The following HDAC9 variants were observed in gnomAD, a reference collection of about 807,000 sequenced individuals.
HDAC9 encodes histone deacetylase 9.
A neutral mutation model predicts 139.4 loss-of-function variants in HDAC9; 41 were observed. The ratio of observed to expected loss-of-function variants is 0.29; its 90% CI spans 0.23 to 0.38. The LOEUF is 0.38. Ranked by LOEUF, HDAC9 falls within the 10% of genes least tolerant of loss-of-function variation. HDAC9 has a pLI of 1.00. For synonymous variants in HDAC9, 517 were observed against 476.2 expected, an observed-to-expected ratio of 1.09 and a Z score of -1.12; for missense variants, 1,147 against 1,297.0, an observed-to-expected ratio of 0.88 and a Z score of 1.78.
chr7:18,526,901 A>C (rs1807130273), intron 2 of HDAC9, among the ~76,000 whole-genome samples: 1 of 152,162 alleles, frequency 6.6e-6, no homozygotes, highest in African/African-American at 2.4e-5. Context: ...TGTCTAGTCA[A>C]TAAGAAATTC....
intron 1 of HDAC9, among the ~76,000 whole-genome samples, chr7:18,108,803 G>A (rs543778671): frequency 3.3e-5 from 5 of 152,036 alleles, no homozygotes; most frequent in African/African-American, 1.2e-4. Context: ...TGTATTTTTA[G>A]TAGAGACAGA....
intron 2 of HDAC9, among the ~76,000 whole-genome samples, chr7:18,536,034 CCT>C (rs1288083914): frequency 6.6e-6 from 1 of 152,152 alleles, no homozygotes; most frequent in Non-Finnish European, 1.5e-5. Flanking sequence ...TCTGCATAAA[CCT>C]CTCTTTGCCT....
intron 22 of HDAC9, among the ~76,000 whole-genome samples, chr7:18,934,680 A>G (rs1409134678): frequency 6.6e-6 from 1 of 152,130 alleles, no homozygotes; most frequent in East Asian, 1.9e-4. Flanking sequence ...ACCATACCAA[A>G]TGTTGGCAAG....
chr7:18,370,818 T>C (rs182185109), intron 1 of HDAC9, among the ~76,000 whole-genome samples: 1 of 152,276 alleles, frequency 6.6e-6, no homozygotes, highest in Admixed American at 6.5e-5. Context: ...GTCAGGTGAA[T>C]TGCACTGATT....
chr7:18,563,597 G>A (rs1821293179), intron 2 of HDAC9, among the ~76,000 whole-genome samples: 1 of 152,012 alleles, frequency 6.6e-6, no homozygotes, highest in African/African-American at 2.4e-5. Flanking sequence ...ATTCGTTATA[G>A]AGAATAGTCT....
intron 2 of HDAC9, among the ~76,000 whole-genome samples, chr7:18,509,842 T>G (rs1234750814): frequency 6.6e-6 from 1 of 152,170 alleles, no homozygotes; most frequent in Non-Finnish European, 1.5e-5. Flanking sequence ...TGTGACTGTG[T>G]ATGTGTGTCC....
chr7:18,427,067 C>T (rs1790181486), intron 1 of HDAC9, among the ~76,000 whole-genome samples: 1 of 152,100 alleles, frequency 6.6e-6, no homozygotes, highest in African/African-American at 2.4e-5. Context: ...CTCTTTGATC[C>T]TTCATACAAT....
At chr7:18,588,730 G>A (rs772423345) in intron 3 of HDAC9, among the ~76,000 whole-genome samples, 3 of 152,050 alleles carry the variant, frequency 2.0e-5, no homozygotes, top group South Asian at 2.1e-4. Context: ...GAATCTGGGC[G>A]TGTGTGAAAA....
At chr7:18,237,803 C>T (rs1369216755) in intron 2 of HDAC9, among the ~76,000 whole-genome samples, 2 of 152,070 alleles carry the variant, frequency 1.3e-5, no homozygotes, top group Non-Finnish European at 2.9e-5. Context: ...AGATAAGGCC[C>T]AGGAGAAAGG....
intron 2 of HDAC9, among the ~76,000 whole-genome samples, chr7:18,201,243 C>T (rs1791096282): frequency 6.6e-6 from 1 of 152,076 alleles, no homozygotes; most frequent in Admixed American, 6.6e-5. Flanking sequence ...TGTAGCTCCC[C>T]ATATGTTATA....
intron 16 of HDAC9, among the ~76,000 whole-genome samples, chr7:18,776,779 GAAT>G (rs1790804348): frequency 1.3e-5 from 2 of 151,866 alleles, no homozygotes; most frequent in African/African-American, 2.4e-5. Flanking sequence ...GGGGTACAGA[GAAT>G]AATAAGATCC....
rs747983373 is a variant in HDAC9 at position 18,829,169 on chromosome 7, T to C, written c.2331T>C (p.Phe777=). 3 of 1,612,468 alleles carry C rather than the reference T, an allele frequency of 1.9e-6. No individual in the cohort carries two copies. Among genetic ancestry groups the C allele is most frequent in the Non-Finnish European group, 2.5e-6 (3 of 1,178,432 alleles). Reference sequence around the variant, plus strand: ...CTGTCTTGTTTTCACAGAATGGGTTTGCTGTTGTGAGGCCCCCTGGCCATC... The same window carrying C: ...CTGTCTTGTTTTCACAGAATGGGTTCGCTGTTGTGAGGCCCCCTGGCCATC... ...KVASGELKNG[F]AVVRPPGHHA... is the part of the protein sequence containing the mutation. Residue 777 remains phenylalanine (F), a synonymous_variant, in exon 18 of 26, where the codon TTT becomes TTC. Coordinates refer to ENST00000686413, the MANE Select transcript of HDAC9 (RefSeq NM_178425.4).
At chr7:18,280,323 C>T (rs1223889658) in intron 2 of HDAC9, among the ~76,000 whole-genome samples, 1 of 152,036 alleles carries the variant, frequency 6.6e-6, no homozygotes, top group East Asian at 1.9e-4. Context: ...GGTGCAGTAG[C>T]TCATGCCTGT....
Position 18,815,617 on chromosome 7 carries a change from C to A in HDAC9, c.2323-13544C>A, listed in dbSNP as rs1794507298. Reference sequence around the variant, plus strand: ...GTTTTGACAGGCTGAAGGCTGTAGGCATGATGGGCCGCAGATGCCAGGCTT... The same window carrying A: ...GTTTTGACAGGCTGAAGGCTGTAGGAATGATGGGCCGCAGATGCCAGGCTT... On this transcript the variant is annotated intron_variant, in intron 17 of 25. Coordinates refer to ENST00000686413, the MANE Select transcript of HDAC9 (RefSeq NM_178425.4). Among the ~76,000 whole-genome samples the A allele has an allele frequency of 2.6e-5, 4 of 152,338 alleles. No homozygotes were observed. The South Asian group carries it at 8.3e-4, about 32-fold the overall frequency.
intron 2 of HDAC9, among the ~76,000 whole-genome samples, chr7:18,500,085 ATATAAT>A (rs556114303): frequency 4.6e-4 from 70 of 152,304 alleles, no homozygotes; most frequent in African/African-American, 1.3e-3. Flanking sequence ...TCAATCAGAA[ATATAAT>A]TATAAATGGG....
chr7:19,000,351 A>G lies in HDAC9; in HGVS notation c.*4289A>G, dbSNP rs1484727413. On this transcript the variant is annotated 3_prime_UTR_variant, in exon 26 of 26. Transcript: ENST00000686413. ...ACTTTTTCTGGGCATATTTGCATCA[A>G]AAATCACAGTCCTTGCCTCCTTGCT... The G allele has an allele frequency of 6.6e-6, 1 of 152,236 alleles. No individual in the cohort carries two copies. The highest frequency in any genetic ancestry group is 2.4e-5 in the African/African-American group (1 of 41,456). 9.4% of individuals were successfully genotyped at this position (152,236 alleles called of 1,614,324 possible).
chr7:18,714,721 C>G (rs1438747218), intron 12 of HDAC9, among the ~76,000 whole-genome samples: 2 of 152,190 alleles, frequency 1.3e-5, no homozygotes, highest in Admixed American at 6.5e-5. Flanking sequence ...GGACCCTGTA[C>G]TACTCTTCAT....
At chr7:18,230,295 A>G (rs1793360582) in intron 2 of HDAC9, among the ~76,000 whole-genome samples, 1 of 152,172 alleles carries the variant, frequency 6.6e-6, no homozygotes, top group African/African-American at 2.4e-5. Flanking sequence ...CTGGTTAAAA[A>G]CTGTTAATAG....
At chr7:18,789,307 C>T (rs1001311656) in intron 16 of HDAC9, among the ~76,000 whole-genome samples, 1 of 151,286 alleles carries the variant, frequency 6.6e-6, no homozygotes, top group African/African-American at 2.5e-5. Context: ...CACACACACA[C>T]ACAGTCTCTC....
Sources: gnomAD v4.1 joint callset for allele counts (sites outside exome capture counted in the v4.1 genomes callset) on GRCh38, gnomAD v4.1.1 for gene constraint, MANE v1.5 for transcripts, NCBI Gene and HGNC (gene_info 2026-07-23, HGNC 2026-07-21) for gene names.